The following SPAG16 variants were observed in gnomAD, a reference collection of about 807,000 sequenced individuals.
The protein encoded by SPAG16 is sperm associated antigen 16, also known as sperm-associated antigen 16 protein.
SPAG16 carries 86 observed loss-of-function variants against 80.4 expected under a neutral mutation model. The ratio of observed to expected loss-of-function variants is 1.07; its 90% CI spans 0.90 to 1.28. SPAG16 has a LOEUF of 1.28. Ranked by LOEUF, SPAG16 falls within the 50% of genes most tolerant of loss-of-function variation. The pLI, the probability that SPAG16 is intolerant of heterozygous loss-of-function variation, is 0.00. For missense variants in SPAG16, 870 were observed against 765.3 expected, an observed-to-expected ratio of 1.14 and a Z score of -1.61; for synonymous variants, 294 against 265.9, an observed-to-expected ratio of 1.11 and a Z score of -1.03.
rs1276534858 is a variant in SPAG16, at chr2:213,385,458, G to A, written c.942+10339G>A. On this transcript the variant is annotated intron_variant, in intron 9 of 15. Coordinates refer to ENST00000331683, the MANE Select transcript of SPAG16 (RefSeq NM_024532.5). ...CTCAGGACCCAATTCTTCATGTACT[G>A]TCGTGGAACCCATAGGTACATGTTG... Among the ~76,000 whole-genome samples the A allele has an allele frequency of 3.9e-5, 6 of 152,070 alleles. No individual in the cohort carries two copies. The East Asian group carries it at 7.7e-4, about 20-fold the overall frequency.
At chr2:213,644,139 AC>A (rs2062732202) in intron 10 of SPAG16, among the ~76,000 whole-genome samples, 1 of 151,178 alleles carries the variant, frequency 6.6e-6, no homozygotes, top group Non-Finnish European at 1.5e-5. Context: ...GCTCTGATGC[AC>A]CCTTCAGTAT....
chr2:213,839,462 A>G (rs928736090), intron 10 of SPAG16, among the ~76,000 whole-genome samples: 4 of 152,230 alleles, frequency 2.6e-5, no homozygotes, highest in African/African-American at 7.2e-5. Flanking sequence ...TGTCTACCAT[A>G]TCAATAGACT....
chr2:213,672,588 C>A (rs2063853904), intron 10 of SPAG16, among the ~76,000 whole-genome samples: 1 of 152,048 alleles, frequency 6.6e-6, no homozygotes, highest in African/African-American at 2.4e-5. Flanking sequence ...ATATTTGTAC[C>A]TCTTTGCTTT....
intron 15 of SPAG16, among the ~76,000 whole-genome samples, chr2:214,151,137 T>G (rs2055955056): frequency 6.6e-6 from 1 of 152,116 alleles, no homozygotes; most frequent in South Asian, 2.1e-4. Flanking sequence ...TAGTTCCATG[T>G]GTGTGAGAAA....
chr2:214,359,595 C>A (rs1469022272), intron 15 of SPAG16, among the ~76,000 whole-genome samples: 2 of 151,872 alleles, frequency 1.3e-5, no homozygotes, highest in Admixed American at 1.3e-4. Context: ...TATTAACTTT[C>A]AAATTGGTCA....
chr2:213,622,736 A>G (rs1427522427), intron 10 of SPAG16, among the ~76,000 whole-genome samples: 1 of 152,170 alleles, frequency 6.6e-6, no homozygotes, highest in Non-Finnish European at 1.5e-5. Context: ...TAAAATCCAG[A>G]GACTATGCAA....
intron 13 of SPAG16, among the ~76,000 whole-genome samples, chr2:214,043,960 T>C (rs1423264867): frequency 1.3e-5 from 2 of 152,138 alleles, no homozygotes; most frequent in Non-Finnish European, 2.9e-5. Flanking sequence ...TCTATATCTA[T>C]ATACTGCTTA....
chr2:213,425,735 G>C (rs1167160293), intron 9 of SPAG16, among the ~76,000 whole-genome samples: 1 of 150,552 alleles, frequency 6.6e-6, no homozygotes, highest in Non-Finnish European at 1.5e-5. Flanking sequence ...AGCATTATAT[G>C]AATATTCTAT....
At chr2:214,135,050 G>A (rs1168262201) in intron 14 of SPAG16, among the ~76,000 whole-genome samples, 2 of 152,120 alleles carry the variant, frequency 1.3e-5, no homozygotes, top group Admixed American at 1.3e-4. Context: ...GTATTCACCT[G>A]ATGAATTTAT....
At chr2:214,030,010 C>G (rs2048331001) in intron 13 of SPAG16, among the ~76,000 whole-genome samples, 1 of 152,090 alleles carries the variant, frequency 6.6e-6, no homozygotes, top group Non-Finnish European at 1.5e-5. Flanking sequence ...GATCTAGTCT[C>G]TCAACCTAAT....
At chr2:214,044,869 C>G (rs1315586370) in intron 13 of SPAG16, among the ~76,000 whole-genome samples, 2 of 152,304 alleles carry the variant, frequency 1.3e-5, no homozygotes, top group East Asian at 1.9e-4. Context: ...GAGGAATTGC[C>G]CATCCCAGTG....
intron 11 of SPAG16, among the ~76,000 whole-genome samples, chr2:213,888,413 T>A (rs2076652933): frequency 6.6e-6 from 1 of 151,832 alleles, no homozygotes; most frequent in Admixed American, 6.6e-5. Flanking sequence ...AAACTTAAAT[T>A]AGACCACAAG....
chr2:213,758,238 T>C (rs2068451859), intron 10 of SPAG16: 1 of 153,124 alleles, frequency 6.5e-6, no homozygotes, highest in Admixed American at 6.5e-5. Flanking sequence ...TTGACTGAAG[T>C]AACCGCAAAC....
At chr2:214,393,334 A>G (rs945315059) in intron 15 of SPAG16, among the ~76,000 whole-genome samples, 1 of 152,164 alleles carries the variant, frequency 6.6e-6, no homozygotes, top group Non-Finnish European at 1.5e-5. Context: ...TTGTCTTGCC[A>G]TGTCCCATCT....
intron 10 of SPAG16, among the ~76,000 whole-genome samples, chr2:213,852,737 A>G (rs2074969745): frequency 6.6e-6 from 1 of 151,578 alleles, no homozygotes; most frequent in South Asian, 2.1e-4. Flanking sequence ...ACTTTACTAC[A>G]TTTTCTTTAT....
chr2:213,719,097 C>A (rs945519067), intron 10 of SPAG16, among the ~76,000 whole-genome samples: 1 of 151,570 alleles, frequency 6.6e-6, no homozygotes, highest in African/African-American at 2.4e-5. Context: ...CGTGGAGAAC[C>A]TTTATGTCTA....
At chr2:213,749,632 CTT>C (rs971937800) in intron 10 of SPAG16, among the ~76,000 whole-genome samples, 7 of 152,132 alleles carry the variant, frequency 4.6e-5, no homozygotes, top group African/African-American at 1.2e-4. Context: ...ATAAAACAAA[CTT>C]AGATTTAAAC....
rs577423225 is a variant in SPAG16, at chr2:213,803,904, C to A, written c.1071-58581C>A. Among the ~76,000 whole-genome samples, 167 of 152,226 alleles carry A rather than the reference C, an allele frequency of 1.1e-3. 3 individuals carry two copies. The South Asian group carries it at 0.014, about 13-fold the overall frequency. On this transcript the variant is annotated intron_variant, in intron 10 of 15. Coordinates refer to ENST00000331683, the MANE Select transcript of SPAG16 (RefSeq NM_024532.5). ...AATCAGCCAGACTTCATGGCACAGG[C>A]CTTGAGTCTCTAACTTTTTAGCTTT...
intron 15 of SPAG16, among the ~76,000 whole-genome samples, chr2:214,276,063 C>G (rs1198834947): frequency 6.6e-6 from 1 of 152,142 alleles, no homozygotes; most frequent in African/African-American, 2.4e-5. Flanking sequence ...TTCTTTGTCT[C>G]ATTTGATCTT....
Sources: gnomAD v4.1 joint callset for allele counts (sites outside exome capture counted in the v4.1 genomes callset) on GRCh38, gnomAD v4.1.1 for gene constraint, MANE v1.5 for transcripts, NCBI Gene and HGNC (gene_info 2026-07-23, HGNC 2026-07-21) for gene names.